Variants in PNPLA7 observed in about 807,000 individuals in gnomAD.
PNPLA7 encodes patatin like domain 7, lysophospholipase.
In PNPLA7, 153 loss-of-function variants were observed where a neutral mutation model predicts 161.7. The ratio of observed to expected loss-of-function variants is 0.95; its 90% confidence interval spans 0.83 to 1.08. The LOEUF (loss-of-function observed/expected upper bound fraction) is 1.08, where lower values mean the gene tolerates loss of function less well. PNPLA7 is among the 50% of genes least tolerant of loss of function. The pLI, the probability that PNPLA7 is intolerant of heterozygous loss-of-function variation, is 0.00. For missense variants in PNPLA7, 1,739 were observed against 1,856.6 expected, an observed-to-expected ratio of 0.94 and a Z score of 1.16; for synonymous variants, 809 against 782.1, an observed-to-expected ratio of 1.03 and a Z score of -0.57.
chr9:137,519,348 G>A (rs891704691), intron 11 of PNPLA7, among the ~76,000 whole-genome samples: 6 of 152,232 alleles, frequency 3.9e-5, no homozygotes, highest in African/African-American at 1.4e-4. Flanking sequence ...TCAGAACAGC[G>A]GGTGAGAGCC....
rs896908718 is a variant in PNPLA7, at chr9:137,479,762, C to G, written c.2581-524G>C. 8 of 985,266 alleles carry G rather than the reference C, an allele frequency of 8.1e-6. No homozygotes were observed. In the African/African-American group the frequency reaches 1.2e-4, roughly 15 times the overall value. 61.0% of individuals were successfully genotyped at this position (985,266 alleles called of 1,614,324 possible). A position where few individuals can be genotyped will look rare whatever the true frequency, so the allele number is the denominator to read the frequency against. ...CCGAGGCCTCGCCTGCAGCAATGGC[C>G]AGGTGGAAGGAAGCAATCAGGTCAG... On this transcript the variant is annotated intron_variant, in intron 23 of 34. Transcript: ENST00000406427.
intron 25 of PNPLA7, among the ~76,000 whole-genome samples, chr9:137,471,282 AACAAT>A (rs780903094): frequency 6.6e-6 from 1 of 152,226 alleles, no homozygotes; most frequent in Non-Finnish European, 1.5e-5. Context: ...ACTGGCAACA[AACAAT>A]TTGAAAATGA....
At chr9:137,469,191 G>C (rs182122147) in intron 25 of PNPLA7, among the ~76,000 whole-genome samples, 22 of 152,316 alleles carry the variant, frequency 1.4e-4, no homozygotes, top group Admixed American at 5.9e-4. Flanking sequence ...CGGCAGAACA[G>C]AACAGCTGAA....
chr9:137,489,371 T>C (rs1290710764), intron 20 of PNPLA7, among the ~76,000 whole-genome samples: 1 of 152,114 alleles, frequency 6.6e-6, no homozygotes, highest in Non-Finnish European at 1.5e-5. Flanking sequence ...ACAGTGAAAA[T>C]TGAAGACTTA....
chr9:137,515,267 T>C (rs1834468151), intron 12 of PNPLA7, 112 bp downstream of exon 12: 2 of 1,406,976 alleles, frequency 1.4e-6, no homozygotes, highest in African/African-American at 1.5e-5. Context: ...GGGGCTCTAG[T>C]GGAGGGTGCC....
At chr9:137,493,173 C>T in intron 19 of PNPLA7, 91 bp from the exon 20 acceptor site, 1 of 1,323,470 alleles carries the variant, frequency 7.6e-7, no homozygotes, top group Non-Finnish European at 1.1e-6. Flanking sequence ...CAGCGAGACT[C>T]AGCCAATGGC....
chr9:137,546,643 A>T (rs922122148), intron 4 of PNPLA7, among the ~76,000 whole-genome samples, 187 bp downstream of exon 4: 4 of 152,134 alleles, frequency 2.6e-5, no homozygotes, highest in Non-Finnish European at 5.9e-5. Context: ...GAGGAAGCAG[A>T]CACCATTCGG....
chr9:137,481,205 A>G (rs960509745), intron 21 of PNPLA7, among the ~76,000 whole-genome samples, 182 bp from the exon 22 acceptor site: 2 of 152,160 alleles, frequency 1.3e-5, no homozygotes, highest in African/African-American at 4.8e-5. Context: ...CCTTGAGCAC[A>G]ACTGCCAAGC....
rs1312059419 is a variant in PNPLA7, at chr9:137,468,587, C to A, written c.2883-1114G>T. Among the ~76,000 whole-genome samples the A allele has an allele frequency of 6.6e-6, 1 of 152,100 alleles. No individual in the cohort carries two copies. The highest frequency in any genetic ancestry group is 2.4e-5 in the African/African-American group (1 of 41,390). The stretch of plus-strand genomic sequence containing the variant: ...TTTAGCTCTCTGTCCCCACCGAAAT[C>A]TCATGTTGAATTTTAATCCTCAGTG... On this transcript the variant is annotated intron_variant, in intron 25 of 34. Coordinates refer to ENST00000406427, the MANE Select transcript of PNPLA7 (RefSeq NM_001098537.3). The surrounding 1 kb of genome is among the most constrained non-coding windows in gnomAD (Gnocchi z 4.0).
Position 137,524,610 on chromosome 9 carries a change from C to T in PNPLA7, c.748-1753G>A, listed in dbSNP as rs978023138. On this transcript the variant is annotated intron_variant, in intron 8 of 34. Transcript: ENST00000406427. This position sits in a 1 kb window ranked among gnomAD's most constrained non-coding sequence, Gnocchi z 4.4. ...TGGGACTTGTAGGTTGTACGGAACACGTATCCTCACATTTATAAGAAACTA... is the reference window on the plus strand; with the variant it reads ...TGGGACTTGTAGGTTGTACGGAACATGTATCCTCACATTTATAAGAAACTA... Among the ~76,000 whole-genome samples the T allele has an allele frequency of 2.6e-5, 4 of 152,240 alleles. No homozygotes were observed. Among genetic ancestry groups the T allele is most frequent in the Non-Finnish European group, 4.4e-5 (3 of 68,050 alleles).
In PNPLA7 at chr9:137,524,222, C is replaced by T. The variant is rs779094225; in HGVS notation, c.748-1365G>A. ...CACAGAGTGTGGAGGCTTCCCTCAG[C>T]GGTGTGACACACTCGAGATTCCCCC... On this transcript the variant is annotated intron_variant, in intron 8 of 34. Transcript: ENST00000406427. This position sits in a 1 kb window ranked among gnomAD's most constrained non-coding sequence, Gnocchi z 4.4. 1.1e-4 allele frequency among the ~76,000 whole-genome samples: 16 copies of T among 152,310 alleles called. 1 individual carries two copies. Among genetic ancestry groups the T allele is most frequent in the Admixed American group, 2.0e-4 (3 of 15,302 alleles).
At position 137,480,320 on chromosome 9, in the gene PNPLA7, C is replaced by T. The variant is rs767202265; in HGVS notation, c.2572G>A (p.Val858Met). 2.5e-6 allele frequency: 4 copies of T among 1,612,356 alleles called. No individual in the cohort carries two copies. The highest frequency in any genetic ancestry group is 1.1e-5 in the South Asian group (1 of 91,010). ...IVGLGDQEPT[V>M]GELERMLEST... is the part of the protein sequence containing the mutation. ...GCCCTCCCCGTGCTCACCTCGCCCA[C>T]TGTGGGCTCCTGGTCACCCAGGCCC... Residue 858 changes from valine (V) to methionine (M), a missense_variant, in exon 23 of 35, where the codon GTG (valine) becomes ATG (methionine). By Grantham distance (21) the Val-to-Met change is conservative. This residue lies in a region of PNPLA7 where 703 missense variants were observed against 694.6 expected (regional missense o/e 1.01). Transcript: ENST00000406427.
chr9:137,473,467 A>T (rs570890233), intron 25 of PNPLA7, among the ~76,000 whole-genome samples: 1 of 152,340 alleles, frequency 6.6e-6, no homozygotes, highest in African/African-American at 2.4e-5. Context: ...CTGGAAAATC[A>T]CACTTCAAAA....
In PNPLA7 at chr9:137,545,787, GC is replaced by G. The variant is rs540630069; in HGVS notation, c.273+1042del. 4.8e-3 allele frequency among the ~76,000 whole-genome samples: 732 copies of G among 152,310 alleles called. 3 individuals carry two copies. Among genetic ancestry groups the G allele is most frequent in the Non-Finnish European group, 5.8e-3 (395 of 68,020 alleles). Reference sequence around the variant, plus strand: ...GACAAGAGTGCGAGCCTTCTGTTATGCCCGGACAGGGCCACCAGAGGGCTCC... The same window carrying G: ...GACAAGAGTGCGAGCCTTCTGTTATGCCGGACAGGGCCACCAGAGGGCTCC... On this transcript the variant is annotated intron_variant, in intron 4 of 34. Coordinates refer to ENST00000406427, the MANE Select transcript of PNPLA7 (RefSeq NM_001098537.3).
chr9:137,531,370 A>G (rs759136933), intron 8 of PNPLA7, among the ~76,000 whole-genome samples: 3 of 152,198 alleles, frequency 2.0e-5, no homozygotes, highest in Non-Finnish European at 2.9e-5. Flanking sequence ...GTTTTATTTC[A>G]AATCCACTTG....
intron 12 of PNPLA7, 130 bp downstream of exon 12, chr9:137,515,249 G>C: frequency 8.2e-7 from 1 of 1,220,712 alleles, no homozygotes; most frequent in South Asian, 1.6e-5. Flanking sequence ...AGGCCCCCCT[G>C]GGCACGTGGG....
intron 8 of PNPLA7, among the ~76,000 whole-genome samples, chr9:137,539,985 C>T (rs183768513): frequency 3.7e-4 from 57 of 152,230 alleles, no homozygotes; most frequent in African/African-American, 1.3e-3. Flanking sequence ...GGGGTTTCAC[C>T]ACGTTGGCCA....
At chr9:137,528,951 C>T (rs1391052852) in intron 8 of PNPLA7, among the ~76,000 whole-genome samples, 5 of 152,144 alleles carry the variant, frequency 3.3e-5, no homozygotes, top group African/African-American at 4.8e-5. Flanking sequence ...CCGCCCGCCT[C>T]GGCCTCCCAA....
chr9:137,463,748 CCCCCTCACCCCAGGACTGAGGGAG>C (rs908734787), intron 28 of PNPLA7, among the ~76,000 whole-genome samples: 24 of 152,090 alleles, frequency 1.6e-4, no homozygotes, highest in African/African-American at 5.6e-4. Context: ...ACTGCTGTGA[CCCCCTCACCCCAGGACTGAGGGAG>C]CCCCTCACCC....
Sources: gnomAD v4.1 joint callset for allele counts (sites outside exome capture counted in the v4.1 genomes callset) on GRCh38, gnomAD v4.1.1 for gene constraint, gnomAD v4.1.1 regional missense constraint, Gnocchi (gnomAD v3.1) non-coding constraint, MANE v1.5 for transcripts, NCBI Gene and HGNC (gene_info 2026-07-23, HGNC 2026-07-21) for gene names.